CADM2: variants seen among roughly 807,000 people sequenced by gnomAD.
The protein encoded by CADM2 is cell adhesion molecule 2, also known as immunoglobulin superfamily member 4D.
A neutral mutation model predicts 49.8 loss-of-function variants in CADM2; 12 were observed. The ratio of observed to expected loss-of-function variants is 0.24; its 90% CI spans 0.15 to 0.39. The LOEUF (loss-of-function observed/expected upper bound fraction) is 0.39. CADM2 is among the 10% of genes least tolerant of loss of function. The probability of loss-of-function intolerance (pLI) is 1.00; values close to 1 mark genes in which losing one functional copy is unlikely to be tolerated. For synonymous variants in CADM2, 214 were observed against 175.4 expected, an observed-to-expected ratio of 1.22 and a Z score of -1.74; for missense variants, 378 against 492.3, an observed-to-expected ratio of 0.77 and a Z score of 2.20.
intron 1 of CADM2, among the ~76,000 whole-genome samples, chr3:85,203,949 C>G (rs1413530314): frequency 6.6e-6 from 1 of 152,036 alleles, no homozygotes; most frequent in Non-Finnish European, 1.5e-5. Flanking sequence ...AAGAATAATC[C>G]TTATACAATT....
Position 85,925,352 on chromosome 3 carries a change from A to T in CADM2, c.701-10415A>T, listed in dbSNP as rs547062035. Among the ~76,000 whole-genome samples the T allele has an allele frequency of 2.6e-5, 4 of 152,378 alleles. No individual in the cohort carries two copies. In the South Asian group the frequency reaches 8.3e-4, roughly 32 times the overall value. On this transcript the variant is annotated intron_variant, in intron 6 of 9. Transcript: ENST00000383699. ...ACAGTGATTTATAAATATTTTTCAA[A>T]TAAATAATGATTGCCACAGAAGCAT...
intron 7 of CADM2, among the ~76,000 whole-genome samples, chr3:85,952,136 G>A (rs1723505617): frequency 6.6e-6 from 1 of 150,952 alleles, no homozygotes; most frequent in Non-Finnish European, 1.5e-5. Flanking sequence ...CATCATGGCG[G>A]AGGTGGAGCT....
intron 8 of CADM2, among the ~76,000 whole-genome samples, chr3:86,040,422 A>C (rs887181336): frequency 6.6e-6 from 1 of 152,248 alleles, no homozygotes; most frequent in East Asian, 1.9e-4. Flanking sequence ...AGGTATGAGA[A>C]CTATGTGACA....
chr3:85,640,581 C>T (rs1280931618), intron 1 of CADM2, among the ~76,000 whole-genome samples: 1 of 152,024 alleles, frequency 6.6e-6, no homozygotes, highest in African/African-American at 2.4e-5. Context: ...AACAGCAAGA[C>T]GTTTGGTATG....
chr3:85,354,756 T>C (rs1252638213), intron 1 of CADM2, among the ~76,000 whole-genome samples: 3 of 152,006 alleles, frequency 2.0e-5, no homozygotes, highest in Non-Finnish European at 4.4e-5. Context: ...AGTTGCAGCT[T>C]ACAGGCTGGT....
chr3:85,705,781 A>G (rs551802289), intron 1 of CADM2, among the ~76,000 whole-genome samples: 8 of 152,316 alleles, frequency 5.3e-5, no homozygotes, highest in Middle Eastern at 3.4e-3. Context: ...AAGGCCTAAG[A>G]AAAAAGAAGT....
At chr3:85,883,144 A>T (rs1713057818) in intron 3 of CADM2, 147 bp from the exon 4 acceptor site, 2 of 613,346 alleles carry the variant, frequency 3.3e-6, no homozygotes, top group South Asian at 3.6e-5. Context: ...CAATATATTT[A>T]AACTTTCTTT....
intron 1 of CADM2, among the ~76,000 whole-genome samples, chr3:85,710,792 G>T (rs2067094198): frequency 1.3e-5 from 2 of 152,116 alleles, no homozygotes; most frequent in Non-Finnish European, 2.9e-5. Context: ...TTAATGAACA[G>T]TTGCAGTTTA....
intron 2 of CADM2, among the ~76,000 whole-genome samples, chr3:85,735,240 G>A (rs560131440): frequency 8.7e-4 from 132 of 152,016 alleles, no homozygotes; most frequent in Non-Finnish European, 1.7e-3. Flanking sequence ...ATTTTGAGTC[G>A]GTAGACCAGG....
intron 1 of CADM2, among the ~76,000 whole-genome samples, chr3:85,589,060 G>A (rs1307611861): frequency 6.6e-6 from 1 of 152,058 alleles, no homozygotes; most frequent in Non-Finnish European, 1.5e-5. Context: ...AGTTTAGTAT[G>A]AATGGGTTCA....
chr3:85,288,527 A>G (rs1395713564), intron 1 of CADM2, among the ~76,000 whole-genome samples: 1 of 152,102 alleles, frequency 6.6e-6, no homozygotes, highest in African/African-American at 2.4e-5. Flanking sequence ...AATTATTGCT[A>G]AATTCATTTA....
chr3:85,259,906 C>T (rs1434822102), intron 1 of CADM2, among the ~76,000 whole-genome samples: 1 of 151,960 alleles, frequency 6.6e-6, no homozygotes, highest in African/African-American at 2.4e-5. Context: ...ATCGTTGTGC[C>T]AGGGTTTCCT....
intron 1 of CADM2, among the ~76,000 whole-genome samples, chr3:85,532,558 A>G (rs1187437206): frequency 2.6e-5 from 4 of 152,158 alleles, no homozygotes; most frequent in African/African-American, 9.7e-5. Context: ...TTACTCAACA[A>G]TCCTAAAAAT....
At chr3:85,033,705 A>G (rs767635336) in intron 1 of CADM2, among the ~76,000 whole-genome samples, 3 of 152,314 alleles carry the variant, frequency 2.0e-5, no homozygotes, top group South Asian at 2.1e-4. Context: ...AGGTTTTATG[A>G]AAGTGTTTTC....
intron 1 of CADM2, among the ~76,000 whole-genome samples, chr3:85,121,240 T>C (rs919617007): frequency 6.6e-6 from 1 of 152,230 alleles, no homozygotes; most frequent in African/African-American, 2.4e-5. Context: ...CACTGTCATT[T>C]TGAGATGTGA....
chr3:85,922,236 T>A (rs1342444702), intron 6 of CADM2, among the ~76,000 whole-genome samples: 2 of 151,998 alleles, frequency 1.3e-5, no homozygotes, highest in Non-Finnish European at 2.9e-5. Context: ...TCCTTCTATA[T>A]TGTAATTATG....
chr3:85,753,172 T>C (rs1333750652), intron 2 of CADM2, among the ~76,000 whole-genome samples: 1 of 152,162 alleles, frequency 6.6e-6, no homozygotes, highest in Non-Finnish European at 1.5e-5. Flanking sequence ...GATGTATGGT[T>C]CGTATCTAAT....
chr3:85,762,127 A>T (rs761663551), intron 2 of CADM2, among the ~76,000 whole-genome samples: 4 of 152,202 alleles, frequency 2.6e-5, no homozygotes, highest in Admixed American at 6.5e-5. Flanking sequence ...AATCCTTTAC[A>T]TAACTAAGTG....
At chr3:85,524,622 T>G (rs1195922633) in intron 1 of CADM2, among the ~76,000 whole-genome samples, 2 of 152,186 alleles carry the variant, frequency 1.3e-5, no homozygotes, top group Admixed American at 6.5e-5. Context: ...GGGTGGCATA[T>G]TCCCAAAATT....
Sources: gnomAD v4.1 joint callset for allele counts (sites outside exome capture counted in the v4.1 genomes callset) on GRCh38, gnomAD v4.1.1 for gene constraint, MANE v1.5 for transcripts, NCBI Gene and HGNC (gene_info 2026-07-23, HGNC 2026-07-21) for gene names.